The following RIPOR1 variants were observed in gnomAD, a reference collection of about 807,000 sequenced individuals.
The protein encoded by RIPOR1 is RHO family interacting cell polarization regulator 1.
A neutral mutation model predicts 116.5 loss-of-function variants in RIPOR1; 58 were observed. The ratio of observed to expected loss-of-function variants is 0.50; its 90% CI spans 0.40 to 0.62. The LOEUF is 0.62. Among genes scored for constraint, RIPOR1 ranks in the 20% least tolerant of loss-of-function variants. RIPOR1 has a pLI of 0.00. For synonymous variants in RIPOR1, 605 were observed against 650.0 expected (o/e 0.93, Z 1.05); for missense variants, 1,372 against 1,586.2 (o/e 0.86, Z 2.29).
intron 1 of RIPOR1, among the ~76,000 whole-genome samples, chr16:67,521,077 C>T (rs1434248352): frequency 6.6e-6 from 1 of 152,078 alleles, no homozygotes; most frequent in Non-Finnish European, 1.5e-5. Context: ...TGGTGGGGTT[C>T]CCAGGATCCG....
In RIPOR1 at chr16:67,542,742, G is replaced by A. The variant is rs751338422; in HGVS notation, c.1956G>A (p.Gln652=). Residue 652 remains glutamine (Q), a synonymous_variant, in exon 13 of 22, where the codon CAG becomes CAA. Coordinates refer to ENST00000042381, the MANE Select transcript of RIPOR1 (RefSeq NM_024519.4). The surrounding 1 kb of genome is among the most constrained non-coding windows in gnomAD (Gnocchi z 4.6). ...CCCCCAGTGGTATGGGCCTAGTCCA[G>A]ACTGCCACAAGTCCCACCCATCCTA... ...SPTPSGMGLV[Q]TATSPTHPTT... is the part of the protein sequence containing the mutation. 2.5e-6 allele frequency: 4 copies of A among 1,610,688 alleles called. No individual in the cohort carries two copies. The highest frequency in any genetic ancestry group is 1.4e-5 in the African/African-American group (1 of 73,542).
Position 67,545,404 on chromosome 16 carries a change from G to A in RIPOR1, c.3060G>A (p.Leu1020=). 1.9e-6 allele frequency: 3 copies of A among 1,614,010 alleles called. No individual in the cohort carries two copies. The highest frequency in any genetic ancestry group is 2.5e-6 in the Non-Finnish European group (3 of 1,180,014). Residue 1020 remains leucine (L), a synonymous_variant, in exon 18 of 22, where the codon CTG becomes CTA. Transcript: ENST00000042381. The surrounding 1 kb of genome is among the most constrained non-coding windows in gnomAD (Gnocchi z 4.8). ...GTGTGAAGTTCCTGGAGGATGCCCT[G>A]GGGCAGAAGCTGCCCAGAAGGCCCC... ...AVCVKFLEDA[L]GQKLPRRPQP...
chr16:67,541,259 A>C lies in RIPOR1; in HGVS notation c.802-171A>C. On this transcript the variant is annotated intron_variant, in intron 10 of 21. Coordinates refer to ENST00000042381, the MANE Select transcript of RIPOR1 (RefSeq NM_024519.4). The surrounding 1 kb of genome is among the most constrained non-coding windows in gnomAD (Gnocchi z 4.6). Reference sequence around the variant, plus strand: ...TTTTTTTTTTTTTTTTTTTTGAGACAGAGTCTTGCCATGTTGCCCAAGCTG... The same window carrying C: ...TTTTTTTTTTTTTTTTTTTTGAGACCGAGTCTTGCCATGTTGCCCAAGCTG... 4 of 535,546 alleles carry C rather than the reference A, an allele frequency of 7.5e-6. No homozygotes were observed. The highest frequency in any genetic ancestry group is 4.1e-5 in the South Asian group (1 of 24,658). The allele number at this position is 535,546 out of a possible 1,614,324, so 33.2% of individuals were successfully genotyped here.
intron 1 of RIPOR1, among the ~76,000 whole-genome samples, chr16:67,519,728 A>G (rs1322326743): frequency 6.6e-6 from 1 of 152,008 alleles, no homozygotes; most frequent in East Asian, 1.9e-4. Context: ...GTGGAGCAAG[A>G]GATGTGGGGG....
Position 67,529,689 on chromosome 16 carries a change from G to T in RIPOR1, c.-24+775G>T. ...CAGACCCTCCCCAGCCAGTTCTAAC[G>T]TGTGTCCAGGCTGGCCGCCCCAGCA... On this transcript the variant is annotated intron_variant, in intron 1 of 21. Transcript: ENST00000042381. This position sits in a 1 kb window ranked among gnomAD's most constrained non-coding sequence, Gnocchi z 4.1. 7.0e-7 allele frequency: 1 copy of T among 1,430,352 alleles called. No homozygotes were observed. The highest frequency in any genetic ancestry group is 9.4e-7 in the Non-Finnish European group (1 of 1,063,950). The allele number at this position is 1,430,352 out of a possible 1,614,324, so 88.6% of individuals were successfully genotyped here.
rs777752546 is a variant in RIPOR1, at chr16:67,540,455, C to T, written c.632-3C>T. The T allele has an allele frequency of 1.2e-6, 2 of 1,614,188 alleles. No homozygotes were observed. The highest frequency in any genetic ancestry group is 8.5e-7 in the Non-Finnish European group (1 of 1,180,026). On this transcript the variant is annotated splice_polypyrimidine_tract_variant and splice_region_variant and intron_variant, in intron 8 of 21. Coordinates refer to ENST00000042381, the MANE Select transcript of RIPOR1 (RefSeq NM_024519.4). This position sits in a 1 kb window ranked among gnomAD's most constrained non-coding sequence, Gnocchi z 4.7. The stretch of plus-strand genomic sequence containing the variant: ...CGACTTCTCCCCTTCTCCTCCAACT[C>T]AGGGCTGGCTGGCTTCGCCAGGCTG...
At position 67,542,202 on chromosome 16, in the gene RIPOR1, C is replaced by T. The variant is rs535528553; in HGVS notation, c.1416C>T (p.Ser472=). The T allele has an allele frequency of 2.5e-6, 4 of 1,613,802 alleles. No individual in the cohort carries two copies. The East Asian group carries it at 8.9e-5, about 36-fold the overall frequency. ...CAGTGGAGGCCGTTGGCCCAGAAAG[C>T]CTAGCCTGGGGACCTAGCCCACCTA... ...EASVEAVGPE[S]LAWGPSPPTH... is the part of the protein sequence containing the mutation. Residue 472 remains serine, a synonymous_variant, in exon 13 of 22, where the codon AGC becomes AGT. Transcript: ENST00000042381. The surrounding 1 kb of genome is among the most constrained non-coding windows in gnomAD (Gnocchi z 4.6).
chr16:67,525,115 C>T (rs1248410279), upstream of RIPOR1, among the ~76,000 whole-genome samples: 1 of 152,276 alleles, frequency 6.6e-6, no homozygotes, highest in Non-Finnish European at 1.5e-5. Context: ...AGGACCTACC[C>T]ACTGTCTGCC....
At position 67,542,453 on chromosome 16, in the gene RIPOR1, T is replaced by C; in HGVS notation, c.1667T>C (p.Ile556Thr). 3 of 1,613,834 alleles carry C rather than the reference T, an allele frequency of 1.9e-6. No individual in the cohort carries two copies. Among genetic ancestry groups the C allele is most frequent in the Non-Finnish European group, 2.5e-6 (3 of 1,179,932 alleles). Residue 556 changes from isoleucine to threonine, a missense_variant, in exon 13 of 22, where the codon ATT becomes ACT. Ile to Thr is a moderately conservative substitution (Grantham distance 89). Around this residue, in one of 3 missense-constraint regions of RIPOR1, gnomAD observed 1,005 missense variants for 1,144.7 expected, o/e 0.88. Coordinates refer to ENST00000042381, the MANE Select transcript of RIPOR1 (RefSeq NM_024519.4). This position sits in a 1 kb window ranked among gnomAD's most constrained non-coding sequence, Gnocchi z 4.6. The part of the protein sequence containing the change: ...HTTTGSTYSA[I>T]TTTHSAPSPL... ...ACTACAGGCTCTACCTATAGTGCCA[T>C]TACCACTACCCACAGTGCTCCAAGC...
chr16:67,530,852 C>T lies in RIPOR1; in HGVS notation c.-24+1938C>T, dbSNP rs755510752. ...CATGAGCCCAGAGAGTCCCCTGGTT[C>T]TTATCAGCCAGTCCCCCACCAGTTG... On this transcript the variant is annotated intron_variant, in intron 1 of 21. Transcript: ENST00000042381. This position sits in a 1 kb window ranked among gnomAD's most constrained non-coding sequence, Gnocchi z 4.5. Among the ~76,000 whole-genome samples the T allele has an allele frequency of 2.6e-4, 39 of 152,136 alleles. No homozygotes were observed. Among genetic ancestry groups the T allele is most frequent in the Non-Finnish European group, 1.9e-4 (13 of 68,002 alleles).
At chr16:67,526,014 A>G (rs541398405), upstream of RIPOR1, among the ~76,000 whole-genome samples, 2 of 152,196 alleles carry the variant, frequency 1.3e-5, no homozygotes, top group East Asian at 3.9e-4. Flanking sequence ...TGACCCTCGG[A>G]GGGATGCTGC....
chr16:67,539,178 T>C, intron 4 of RIPOR1, 110 bp downstream of exon 4: 2 of 908,754 alleles, frequency 2.2e-6, no homozygotes, highest in East Asian at 2.7e-5. Context: ...GGTTCAGGTG[T>C]GAGTAGAAAA....
rs764877552 is a variant in RIPOR1, at chr16:67,543,133, G to A, written c.2347G>A (p.Gly783Arg). Reference sequence around the variant, plus strand: ...CCAGACCCCAGTCCCAACGGCAGCCGGAGGGTCTGGGGACAGGAGCCTGGA... The same window carrying A: ...CCAGACCCCAGTCCCAACGGCAGCCAGAGGGTCTGGGGACAGGAGCCTGGA... The part of the protein sequence containing the change: ...AVQTPVPTAA[G>R]GSGDRSLEEA... The change falls in exon 13 of 22, where the codon GGA (glycine) becomes AGA (arginine). Residue 783 changes from glycine (G) to arginine (R), a missense_variant. Coordinates refer to ENST00000042381, the MANE Select transcript of RIPOR1 (RefSeq NM_024519.4). This position sits in a 1 kb window ranked among gnomAD's most constrained non-coding sequence, Gnocchi z 4.7. 145 of 1,524,354 alleles carry A rather than the reference G, an allele frequency of 9.5e-5. No homozygotes were observed. Among genetic ancestry groups the A allele is most frequent in the Admixed American group, 3.1e-4 (14 of 45,358 alleles). The allele number at this position is 1,524,354 out of a possible 1,614,324, so 94.4% of individuals were successfully genotyped here.
At chr16:67,539,161 G>T in intron 4 of RIPOR1, 93 bp downstream of exon 4, 1 of 1,063,528 alleles carries the variant, frequency 9.4e-7, no homozygotes. Flanking sequence ...ATTTTCTGAA[G>T]TGATCTGGTT....
Position 67,545,247 on chromosome 16 carries a change from A to G in RIPOR1, c.3032-129A>G, listed in dbSNP as rs2051127715. ...AGACCAGCAAAGACTTGGGCCTTAG[A>G]GCAGAAGGACCCAGATGGGTGGGGT... On this transcript the variant is annotated intron_variant, in intron 17 of 21. Transcript: ENST00000042381. The surrounding 1 kb of genome is among the most constrained non-coding windows in gnomAD (Gnocchi z 4.8). 6.6e-7 allele frequency: 1 copy of G among 1,517,072 alleles called. No individual in the cohort carries two copies. Among genetic ancestry groups the G allele is most frequent in the Non-Finnish European group, 8.9e-7 (1 of 1,118,426 alleles). The allele number at this position is 1,517,072 out of a possible 1,614,324, so 94.0% of individuals were successfully genotyped here.
Position 67,545,201 on chromosome 16 carries a change from T to C in RIPOR1, c.3031+84T>C. ...GGGAAGCCAGGTCAGCCCACACAGA[T>C]AAACGAACTGGGCACCGAGGAGACC... On this transcript the variant is annotated intron_variant, in intron 17 of 21. Coordinates refer to ENST00000042381, the MANE Select transcript of RIPOR1 (RefSeq NM_024519.4). This position sits in a 1 kb window ranked among gnomAD's most constrained non-coding sequence, Gnocchi z 4.8. The C allele has an allele frequency of 3.2e-6, 5 of 1,567,834 alleles. No individual in the cohort carries two copies. The highest frequency in any genetic ancestry group is 4.3e-6 in the Non-Finnish European group (5 of 1,152,554).
chr16:67,539,213 G>T, intron 4 of RIPOR1, 145 bp downstream of exon 4: 1 of 694,052 alleles, frequency 1.4e-6, no homozygotes, highest in Non-Finnish European at 2.4e-6. Flanking sequence ...AGGCTGAGGG[G>T]CTTTTCTATC....
rs1205159599 is a variant in RIPOR1, at chr16:67,529,653, G to A, written c.-24+739G>A. ...CCTCTCCAGGGTGAGCCCTGAGTCCGGCCTCCCCTACAGACCCTCCCCAGC... is the reference window on the plus strand; with the variant it reads ...CCTCTCCAGGGTGAGCCCTGAGTCCAGCCTCCCCTACAGACCCTCCCCAGC... On this transcript the variant is annotated intron_variant, in intron 1 of 21. Coordinates refer to ENST00000042381, the MANE Select transcript of RIPOR1 (RefSeq NM_024519.4). The surrounding 1 kb of genome is among the most constrained non-coding windows in gnomAD (Gnocchi z 4.1). 3 of 1,038,102 alleles carry A rather than the reference G, an allele frequency of 2.9e-6. No individual in the cohort carries two copies. The highest frequency in any genetic ancestry group is 3.2e-5 in the African/African-American group (2 of 62,704). The allele number at this position is 1,038,102 out of a possible 1,614,324, so 64.3% of individuals were successfully genotyped here.
intron 1 of RIPOR1, among the ~76,000 whole-genome samples, chr16:67,523,066 G>A (rs1183973731): frequency 6.6e-6 from 1 of 152,218 alleles, no homozygotes; most frequent in Non-Finnish European, 1.5e-5. Flanking sequence ...CTTTGGCAGA[G>A]TGTAAACTTG....
Sources: gnomAD v4.1 joint callset for allele counts (sites outside exome capture counted in the v4.1 genomes callset) on GRCh38, gnomAD v4.1.1 for gene constraint, gnomAD v4.1.1 regional missense constraint, Gnocchi (gnomAD v3.1) non-coding constraint, MANE v1.5 for transcripts, NCBI Gene and HGNC (gene_info 2026-07-23, HGNC 2026-07-21) for gene names.